The following DLGAP2 variants were observed in gnomAD, a reference collection of about 807,000 sequenced individuals.
DLGAP2 encodes DLG associated protein 2, also known as disks large-associated protein 2.
DLGAP2 carries 26 observed loss-of-function variants against 100.3 expected under a neutral mutation model. That is an observed-to-expected ratio of 0.26 (90% CI 0.19 to 0.36). The LOEUF (loss-of-function observed/expected upper bound fraction) is 0.36, where lower values mean the gene tolerates loss of function less well. DLGAP2 is among the 10% of genes least tolerant of loss of function. DLGAP2 has a pLI of 1.00. For missense variants in DLGAP2, 1,858 were observed against 1,453.2 expected (o/e 1.28, Z -4.53); for synonymous variants, 886 against 630.1 (o/e 1.41, Z -6.08).
chr8:1,204,002 G>A (rs985824062), intron 2 of DLGAP2, among the ~76,000 whole-genome samples: 1 of 152,198 alleles, frequency 6.6e-6, no homozygotes, highest in African/African-American at 2.4e-5. Flanking sequence ...AAGCATGTAG[G>A]GTAAAGTAGT....
chr8:857,283 G>A (rs1449133652), intron 1 of DLGAP2, among the ~76,000 whole-genome samples: 3 of 152,124 alleles, frequency 2.0e-5, no homozygotes. Context: ...CTTTGATTTG[G>A]TGACTTTTTA....
intron 8 of DLGAP2, among the ~76,000 whole-genome samples, chr8:1,665,820 A>G (rs565469502): frequency 2.0e-5 from 3 of 152,366 alleles, no homozygotes; most frequent in Admixed American, 2.0e-4. Flanking sequence ...TAAATGACCC[A>G]TGACAAATGG....
intron 4 of DLGAP2, among the ~76,000 whole-genome samples, chr8:1,505,055 G>A (rs1226874004): frequency 6.6e-6 from 1 of 152,186 alleles, no homozygotes; most frequent in Admixed American, 6.5e-5. Context: ...TCTGAGTTAT[G>A]TTCCCAACAC....
rs143289465 is a variant in DLGAP2, at chr8:1,586,807, C to T, written c.1442+20913C>T. 1.3e-4 allele frequency among the ~76,000 whole-genome samples: 20 copies of T among 152,244 alleles called. No individual in the cohort carries two copies. The East Asian group carries it at 2.7e-3, about 21-fold the overall frequency. On this transcript the variant is annotated intron_variant, in intron 6 of 14. Coordinates refer to ENST00000637795, the MANE Select transcript of DLGAP2 (RefSeq NM_001346810.2). ...CAGAGTGTTGTAAAGAAAATATTTG[C>T]GAATGCTCAACCACCAGTCTACTTA...
intron 3 of DLGAP2, among the ~76,000 whole-genome samples, chr8:1,276,457 AG>A (rs1311126729): frequency 1.3e-4 from 20 of 152,098 alleles, no homozygotes; most frequent in Admixed American, 5.2e-4. Flanking sequence ...GGGAAGGGTG[AG>A]GGGGGACGGG....
chr8:962,085 A>G (rs570631121), intron 2 of DLGAP2, among the ~76,000 whole-genome samples: 1 of 152,334 alleles, frequency 6.6e-6, no homozygotes, highest in East Asian at 1.9e-4. Context: ...GCATTTGTAA[A>G]AGCATTTCTC....
At chr8:788,939 C>T (rs1000699241) in intron 1 of DLGAP2, among the ~76,000 whole-genome samples, 4 of 152,174 alleles carry the variant, frequency 2.6e-5, no homozygotes, top group Admixed American at 6.5e-5. Flanking sequence ...GGTTCCTGTG[C>T]CCTCAACCGT....
At chr8:1,539,524 G>C (rs764836246) in intron 4 of DLGAP2, among the ~76,000 whole-genome samples, 4 of 152,140 alleles carry the variant, frequency 2.6e-5, no homozygotes, top group Non-Finnish European at 4.4e-5. Context: ...GCGCGACGCA[G>C]AGTGGACTGG....
intron 1 of DLGAP2, among the ~76,000 whole-genome samples, chr8:776,957 A>G (rs1032304193): frequency 2.6e-5 from 4 of 151,996 alleles, no homozygotes; most frequent in Non-Finnish European, 4.4e-5. Context: ...GGGTGTTAAA[A>G]TCTCCCATTA....
intron 6 of DLGAP2, among the ~76,000 whole-genome samples, chr8:1,615,720 G>A (rs1282938905): frequency 6.6e-6 from 1 of 151,938 alleles, no homozygotes; most frequent in Non-Finnish European, 1.5e-5. Context: ...TCTTATGAAT[G>A]ATATAAAAAT....
rs1021613020 is a variant in DLGAP2, at chr8:1,136,478, G to A, written c.74-122373G>A. 6.6e-5 allele frequency among the ~76,000 whole-genome samples: 10 copies of A among 152,280 alleles called. No homozygotes were observed. In the East Asian group the frequency reaches 1.7e-3, roughly 27 times the overall value. Reference sequence around the variant, plus strand: ...GGCCGGGGTGGATGCCCTCCTCATCGTCAGGCTGGCTCTGCATAATCAAAG... The same window carrying A: ...GGCCGGGGTGGATGCCCTCCTCATCATCAGGCTGGCTCTGCATAATCAAAG... On this transcript the variant is annotated intron_variant, in intron 2 of 14. Coordinates refer to ENST00000637795, the MANE Select transcript of DLGAP2 (RefSeq NM_001346810.2).
chr8:1,463,329 G>C (rs1277397769), intron 3 of DLGAP2, among the ~76,000 whole-genome samples: 1 of 152,224 alleles, frequency 6.6e-6, no homozygotes, highest in Non-Finnish European at 1.5e-5. Context: ...GGTTATTGAT[G>C]AAATAGTGGG....
At chr8:1,264,374 G>T (rs4131125) in intron 3 of DLGAP2, among the ~76,000 whole-genome samples, 31,906 of 152,034 alleles carry the variant, frequency 0.21, 3,516 homozygotes, top group Admixed American at 0.26. Flanking sequence ...CACTCACCCA[G>T]CTTCCCCGTT....
intron 4 of DLGAP2, among the ~76,000 whole-genome samples, chr8:1,539,517 C>T (rs544956635): frequency 4.6e-5 from 7 of 152,242 alleles, no homozygotes; most frequent in East Asian, 3.9e-4. Flanking sequence ...GCCAGAAGCG[C>T]GACGCAGAGT....
chr8:1,624,163 A>G (rs1359804420), intron 6 of DLGAP2, among the ~76,000 whole-genome samples: 1 of 152,216 alleles, frequency 6.6e-6, no homozygotes, highest in Non-Finnish European at 1.5e-5. Flanking sequence ...TGAGAATGTT[A>G]AAATGCAAAA....
rs1489518143 is a variant in DLGAP2 at position 928,640 on chromosome 8, A to T, written c.73+20674A>T. On this transcript the variant is annotated intron_variant, in intron 2 of 14. Transcript: ENST00000637795. ...ATAAAAAAAAATAAAGCACAGGGGA[A>T]GAACTTGGTGATACTGGACAGGTCC... is the stretch of plus-strand genomic sequence containing the variant. Among the ~76,000 whole-genome samples the T allele has an allele frequency of 3.3e-5, 5 of 152,232 alleles. No homozygotes were observed. The East Asian group carries it at 9.7e-4, about 29-fold the overall frequency.
chr8:780,236 A>G (rs1478843964), intron 1 of DLGAP2, among the ~76,000 whole-genome samples: 1 of 152,132 alleles, frequency 6.6e-6, no homozygotes, highest in Non-Finnish European at 1.5e-5. Flanking sequence ...CCGTGAGATC[A>G]TGAGGCATCT....
chr8:997,993 G>C (rs1188353139), intron 2 of DLGAP2, among the ~76,000 whole-genome samples: 2 of 149,982 alleles, frequency 1.3e-5, no homozygotes, highest in African/African-American at 4.9e-5. Context: ...ACAAACACGT[G>C]CACACAAACA....
At chr8:818,490 C>G (rs1028694338) in intron 1 of DLGAP2, among the ~76,000 whole-genome samples, 1 of 152,198 alleles carries the variant, frequency 6.6e-6, no homozygotes, top group African/African-American at 2.4e-5. Context: ...TTCAGGGAGC[C>G]TGCAGCACTG....
Sources: allele counts gnomAD v4.1 joint callset (sites outside exome capture counted in the v4.1 genomes callset), GRCh38; gene constraint gnomAD v4.1.1; transcripts MANE v1.5; gene names NCBI Gene and HGNC (gene_info 2026-07-23, HGNC 2026-07-21).